OR5D13: variants seen among roughly 807,000 people sequenced by gnomAD.
OR5D13 encodes olfactory receptor 5D13.
For missense variants in OR5D13, 470 were observed against 372.1 expected (o/e 1.26, Z -2.16); for synonymous variants, 192 against 134.3 (o/e 1.43, Z -2.97).
In OR5D13 at chr11:55,773,573, G is replaced by A. The variant is rs1467290052; in HGVS notation, c.136G>A (p.Gly46Ser). 6.2e-7 allele frequency: 1 copy of A among 1,612,782 alleles called. No individual in the cohort carries two copies. Residue 46 changes from glycine (G) to serine (S), a missense_variant, in exon 1 of 1, where the codon GGC becomes AGC. Gly to Ser is a moderately conservative substitution (Grantham distance 56, BLOSUM62 0). Coordinates refer to ENST00000623930, the MANE Select transcript of OR5D13 (RefSeq NM_001001967.1). ...VYTVTVVGNL[G>S]MIIIIRLNSK... ...CACAGTCACTGTAGTGGGGAACTTGGGCATGATAATAATCATCAGACTCAA... is the reference window on the plus strand; with the variant it reads ...CACAGTCACTGTAGTGGGGAACTTGAGCATGATAATAATCATCAGACTCAA...
rs1853288636 is a variant in OR5D13, at chr11:55,774,011, T to C, written c.574T>C (p.Ser192Pro). ...CTCTGTAATTGTTTCTGCCTCCTAC[T>C]CAGACCCCTATATCAGCCAGAGGCT... ...DHSVIVSASY[S>P]DPYISQRLCF... Residue 192 changes from serine (S) to proline (P), a missense_variant, in exon 1 of 1, where the codon TCA (serine) becomes CCA (proline). Physicochemically the swap from Ser to Pro is moderately conservative, Grantham distance 74. Transcript: ENST00000623930. 6.2e-7 allele frequency: 1 copy of C among 1,613,264 alleles called. No homozygotes were observed. The highest frequency in any genetic ancestry group is 1.7e-5 in the Admixed American group (1 of 59,928).
rs1853287220 is a variant in OR5D13 at position 55,773,938 on chromosome 11, CTT to C, written c.502_503del (p.Leu168IlefsTer4). 6.2e-7 allele frequency: 1 copy of C among 1,613,448 alleles called. No individual in the cohort carries two copies. Among genetic ancestry groups the C allele is most frequent in the Non-Finnish European group, 8.5e-7 (1 of 1,179,652 alleles). On this transcript the variant is annotated frameshift_variant, in exon 1 of 1. Transcript: ENST00000623930. LOFTEE classifies it low-confidence loss of function (END_TRUNC). The stretch of plus-strand genomic sequence containing the variant: ...TGATACTCACATATTTTCTTCTTGA[CTT>C]ATCGTTTTGTGAATCTACCTTCATA... ...SLILTYFLLD[L>X]SFCESTFINN...
In OR5D13 at chr11:55,773,623, C is replaced by G; in HGVS notation, c.186C>G (p.Cys62Trp). Reference sequence around the variant, plus strand: ...ATTCAAAACTCCATACAATCATGTGCTTTTTCCTTAGTCACTTGTCCTTGA... The same window carrying G: ...ATTCAAAACTCCATACAATCATGTGGTTTTTCCTTAGTCACTTGTCCTTGA... ...RLNSKLHTIM[C>W]FFLSHLSLTD... is the part of the protein sequence containing the mutation. The change falls in exon 1 of 1, where the codon TGC becomes TGG. Residue 62 changes from cysteine (C) to tryptophan (W), a missense_variant. Coordinates refer to ENST00000623930, the MANE Select transcript of OR5D13 (RefSeq NM_001001967.1). 1.2e-6 allele frequency: 2 copies of G among 1,612,876 alleles called. No homozygotes were observed. Among genetic ancestry groups the G allele is most frequent in the Non-Finnish European group, 1.7e-6 (2 of 1,179,206 alleles).
chr11:55,774,141 G>A lies in OR5D13; in HGVS notation c.704G>A (p.Gly235Glu), dbSNP rs1853291914. 1.2e-6 allele frequency: 2 copies of A among 1,613,550 alleles called. No homozygotes were observed. Among genetic ancestry groups the A allele is most frequent in the South Asian group, 2.2e-5 (2 of 91,066 alleles). ...TTIMKMRSAS[G>E]RQKTFSTCAS... ...ATTATGAAGATGCGATCTGCAAGTG[G>A]GCGCCAGAAAACTTTCTCCACCTGT... The change falls in exon 1 of 1, where the codon GGG becomes GAG. Residue 235 changes from glycine to glutamate, a missense_variant. Physicochemically the swap from Gly to Glu is moderately conservative, Grantham distance 98. Transcript: ENST00000623930.
rs1405501577 is a variant in OR5D13, at chr11:55,773,845, T to C, written c.408T>C (p.Thr136=). The change falls in exon 1 of 1, where the codon ACT becomes ACC. Residue 136 remains threonine (T), a synonymous_variant. Coordinates refer to ENST00000623930, the MANE Select transcript of OR5D13 (RefSeq NM_001001967.1). ...TTTGTAAACCCTTGCTGTATACCAC[T>C]ATTATGTCTCAGAAGCTCTGTGCTC... ...VAVCKPLLYT[T]IMSQKLCALL... 1.1e-5 allele frequency: 17 copies of C among 1,613,938 alleles called. No homozygotes were observed. Among genetic ancestry groups the C allele is most frequent in the Non-Finnish European group, 1.4e-5 (16 of 1,179,996 alleles).
chr11:55,773,860 G>T lies in OR5D13; in HGVS notation c.423G>T (p.Lys141Asn), dbSNP rs780475869. The T allele has an allele frequency of 3.7e-6, 6 of 1,613,896 alleles. No homozygotes were observed. Among genetic ancestry groups the T allele is most frequent in the African/African-American group, 1.3e-5 (1 of 74,898 alleles). The change falls in exon 1 of 1, where the codon AAG becomes AAT. Residue 141 changes from lysine (K) to asparagine (N), a missense_variant. Transcript: ENST00000623930. The part of the protein sequence containing the change: ...PLLYTTIMSQ[K>N]LCALLVAGSY... ...TGTATACCACTATTATGTCTCAGAAGCTCTGTGCTCTTCTGGTGGCTGGGT... is the reference window on the plus strand; with the variant it reads ...TGTATACCACTATTATGTCTCAGAATCTCTGTGCTCTTCTGGTGGCTGGGT...
In OR5D13 at chr11:55,774,074, C is replaced by T. The variant is rs771883171; in HGVS notation, c.637C>T (p.Leu213=). 6.2e-7 allele frequency: 1 copy of T among 1,613,852 alleles called. No individual in the cohort carries two copies. The highest frequency in any genetic ancestry group is 1.1e-5 in the South Asian group (1 of 91,078). ...TGCCATATTCAATGAGGTGAGCAGCCTAATTATCATTCTGACATCATATAT... is the reference window on the plus strand; with the variant it reads ...TGCCATATTCAATGAGGTGAGCAGCTTAATTATCATTCTGACATCATATAT... ...IIAIFNEVSS[L]IIILTSYMLI... The change falls in exon 1 of 1, where the codon CTA becomes TTA. Residue 213 remains leucine (L), a synonymous_variant. Coordinates refer to ENST00000623930, the MANE Select transcript of OR5D13 (RefSeq NM_001001967.1).
chr11:55,773,582 A>G lies in OR5D13; in HGVS notation c.145A>G (p.Ile49Val), dbSNP rs1853280301. 1 of 1,613,242 alleles carries G rather than the reference A, an allele frequency of 6.2e-7. No individual in the cohort carries two copies. Reference sequence around the variant, plus strand: ...TGTAGTGGGGAACTTGGGCATGATAATAATCATCAGACTCAATTCAAAACT... The same window carrying G: ...TGTAGTGGGGAACTTGGGCATGATAGTAATCATCAGACTCAATTCAAAACT... ...VTVVGNLGMI[I>V]IIRLNSKLHT... is the part of the protein sequence containing the mutation. Residue 49 changes from isoleucine to valine, a missense_variant, in exon 1 of 1, where the codon ATA (isoleucine) becomes GTA (valine). By Grantham distance (29) the Ile-to-Val change is conservative. Coordinates refer to ENST00000623930, the MANE Select transcript of OR5D13 (RefSeq NM_001001967.1).
rs534663232 is a variant in OR5D13, at chr11:55,773,883, G to C, written c.446G>C (p.Gly149Ala). ...AAGCTCTGTGCTCTTCTGGTGGCTG[G>C]GTCCTATACATGGGGGATAGTGTGC... ...SQKLCALLVAGSYTWGIVCSL... is the reference protein window; with the variant it reads ...SQKLCALLVAASYTWGIVCSL... Residue 149 changes from glycine to alanine, a missense_variant, in exon 1 of 1, where the codon GGG (glycine) becomes GCG (alanine). Coordinates refer to ENST00000623930, the MANE Select transcript of OR5D13 (RefSeq NM_001001967.1). 8.2e-5 allele frequency: 132 copies of C among 1,613,622 alleles called. 1 individual carries two copies. The South Asian group carries it at 1.4e-3, about 17-fold the overall frequency.
rs781746014 is a variant in OR5D13 at position 55,774,052 on chromosome 11, C to T, written c.615C>T (p.Ala205=). 1.2e-6 allele frequency: 2 copies of T among 1,613,694 alleles called. No individual in the cohort carries two copies. Among genetic ancestry groups the T allele is most frequent in the East Asian group, 2.2e-5 (1 of 44,864 alleles). ...GCCAGAGGCTATGCTTTATTATTGC[C>T]ATATTCAATGAGGTGAGCAGCCTAA... ...YISQRLCFII[A]IFNEVSSLII... The change falls in exon 1 of 1, where the codon GCC becomes GCT. Residue 205 remains alanine, a synonymous_variant. Transcript: ENST00000623930.
chr11:55,774,003 C>T lies in OR5D13; in HGVS notation c.566C>T (p.Ala189Val). The T allele has an allele frequency of 2.5e-6, 4 of 1,613,098 alleles. No individual in the cohort carries two copies. The highest frequency in any genetic ancestry group is 3.4e-6 in the Non-Finnish European group (4 of 1,179,326). The change falls in exon 1 of 1, where the codon GCC (alanine) becomes GTC (valine). Residue 189 changes from alanine (A) to valine (V), a missense_variant. Coordinates refer to ENST00000623930, the MANE Select transcript of OR5D13 (RefSeq NM_001001967.1). ...FICDHSVIVS[A>V]SYSDPYISQR... ...TGTGACCACTCTGTAATTGTTTCTGCCTCCTACTCAGACCCCTATATCAGC... is the reference window on the plus strand; with the variant it reads ...TGTGACCACTCTGTAATTGTTTCTGTCTCCTACTCAGACCCCTATATCAGC...
Position 55,774,248 on chromosome 11 carries a change from C to T in OR5D13, c.811C>T (p.Leu271Phe), listed in dbSNP as rs1448856374. The T allele has an allele frequency of 1.7e-5, 28 of 1,613,694 alleles. No individual in the cohort carries two copies. The highest frequency in any genetic ancestry group is 2.4e-5 in the Non-Finnish European group (28 of 1,179,892). ...YCVPNPKTSS[L>F]IVTVASVFYT... Reference sequence around the variant, plus strand: ...TGTTCCTAATCCTAAAACTTCTAGCCTCATAGTTACAGTGGCTTCTGTGTT... The same window carrying T: ...TGTTCCTAATCCTAAAACTTCTAGCTTCATAGTTACAGTGGCTTCTGTGTT... Residue 271 changes from leucine (L) to phenylalanine (F), a missense_variant, in exon 1 of 1, where the codon CTC becomes TTC. Coordinates refer to ENST00000623930, the MANE Select transcript of OR5D13 (RefSeq NM_001001967.1).
chr11:55,773,663 T>C lies in OR5D13; in HGVS notation c.226T>C (p.Ser76Pro). 3 of 1,613,352 alleles carry C rather than the reference T, an allele frequency of 1.9e-6. No individual in the cohort carries two copies. The South Asian group carries it at 3.3e-5, about 18-fold the overall frequency. ...CTTGTCCTTGACAGACTTCTGTTTTTCCACTGTAGTTACACCTAAACTGTT... is the reference window on the plus strand; with the variant it reads ...CTTGTCCTTGACAGACTTCTGTTTTCCCACTGTAGTTACACCTAAACTGTT... ...SHLSLTDFCF[S>P]TVVTPKLLEN... Residue 76 changes from serine to proline, a missense_variant, in exon 1 of 1, where the codon TCC becomes CCC. By Grantham distance (74) the Ser-to-Pro change is moderately conservative (BLOSUM62 -1). Coordinates refer to ENST00000623930, the MANE Select transcript of OR5D13 (RefSeq NM_001001967.1).
In OR5D13 at chr11:55,773,667, C is replaced by T. The variant is rs1315363272; in HGVS notation, c.230C>T (p.Thr77Ile). The T allele has an allele frequency of 6.2e-7, 1 of 1,613,152 alleles. No homozygotes were observed. Among genetic ancestry groups the T allele is most frequent in the Non-Finnish European group, 8.5e-7 (1 of 1,179,390 alleles). ...HLSLTDFCFSTVVTPKLLENL... is the reference protein window; with the variant it reads ...HLSLTDFCFSIVVTPKLLENL... ...TCCTTGACAGACTTCTGTTTTTCCA[C>T]TGTAGTTACACCTAAACTGTTGGAG... Residue 77 changes from threonine to isoleucine, a missense_variant, in exon 1 of 1, where the codon ACT becomes ATT. By Grantham distance (89) the Thr-to-Ile change is moderately conservative. Transcript: ENST00000623930.
In OR5D13 at chr11:55,774,186, T is replaced by G. The variant is rs753152807; in HGVS notation, c.749T>G (p.Ile250Ser). 7 of 1,613,698 alleles carry G rather than the reference T, an allele frequency of 4.3e-6. No individual in the cohort carries two copies. Among genetic ancestry groups the G allele is most frequent in the Middle Eastern group, 1.6e-4 (1 of 6,080 alleles). ...FSTCASHLTA[I>S]TIFHGTILFL... Reference sequence around the variant, plus strand: ...ACCTGTGCCTCCCACCTGACAGCCATCACTATCTTCCATGGAACTATCCTT... The same window carrying G: ...ACCTGTGCCTCCCACCTGACAGCCAGCACTATCTTCCATGGAACTATCCTT... The change falls in exon 1 of 1, where the codon ATC becomes AGC. Residue 250 changes from isoleucine to serine, a missense_variant. Coordinates refer to ENST00000623930, the MANE Select transcript of OR5D13 (RefSeq NM_001001967.1).
At position 55,773,879 on chromosome 11, in the gene OR5D13, G is replaced by A. The variant is rs762039488; in HGVS notation, c.442G>A (p.Ala148Thr). ...MSQKLCALLVAGSYTWGIVCS... is the reference protein window; with the variant it reads ...MSQKLCALLVTGSYTWGIVCS... Reference sequence around the variant, plus strand: ...TCAGAAGCTCTGTGCTCTTCTGGTGGCTGGGTCCTATACATGGGGGATAGT... The same window carrying A: ...TCAGAAGCTCTGTGCTCTTCTGGTGACTGGGTCCTATACATGGGGGATAGT... Residue 148 changes from alanine to threonine, a missense_variant, in exon 1 of 1, where the codon GCT (alanine) becomes ACT (threonine). Coordinates refer to ENST00000623930, the MANE Select transcript of OR5D13 (RefSeq NM_001001967.1). The A allele has an allele frequency of 9.3e-6, 15 of 1,613,606 alleles. No homozygotes were observed. The African/African-American group carries it at 2.0e-4, about 22-fold the overall frequency.
rs759749073 is a variant in OR5D13, at chr11:55,774,180, C to T, written c.743C>T (p.Thr248Ile). Residue 248 changes from threonine to isoleucine, a missense_variant, in exon 1 of 1, where the codon ACA becomes ATA. Thr to Ile is a moderately conservative substitution (Grantham distance 89). Transcript: ENST00000623930. The stretch of plus-strand genomic sequence containing the variant: ...TTCTCCACCTGTGCCTCCCACCTGA[C>T]AGCCATCACTATCTTCCATGGAACT... ...KTFSTCASHL[T>I]AITIFHGTIL... The T allele has an allele frequency of 3.1e-6, 5 of 1,613,744 alleles. No homozygotes were observed. The Admixed American group carries it at 8.3e-5, about 27-fold the overall frequency.
rs1853280170 is a variant in OR5D13, at chr11:55,773,575, C to T, written c.138C>T (p.Gly46=). 6.2e-7 allele frequency: 1 copy of T among 1,612,790 alleles called. No individual in the cohort carries two copies. The highest frequency in any genetic ancestry group is 8.5e-7 in the Non-Finnish European group (1 of 1,179,114). ...VYTVTVVGNL[G]MIIIIRLNSK... ...CAGTCACTGTAGTGGGGAACTTGGG[C>T]ATGATAATAATCATCAGACTCAATT... is the stretch of plus-strand genomic sequence containing the variant. Residue 46 remains glycine, a synonymous_variant, in exon 1 of 1, where the codon GGC becomes GGT. Transcript: ENST00000623930.
Position 55,773,668 on chromosome 11 carries a change from T to C in OR5D13, c.231T>C (p.Thr77=). 1 of 1,613,314 alleles carries C rather than the reference T, an allele frequency of 6.2e-7. No individual in the cohort carries two copies. The highest frequency in any genetic ancestry group is 8.5e-7 in the Non-Finnish European group (1 of 1,179,516). The change falls in exon 1 of 1, where the codon ACT becomes ACC. Residue 77 remains threonine, a synonymous_variant. Transcript: ENST00000623930. The stretch of plus-strand genomic sequence containing the variant: ...CCTTGACAGACTTCTGTTTTTCCAC[T>C]GTAGTTACACCTAAACTGTTGGAGA... The part of the protein sequence containing the change: ...HLSLTDFCFS[T]VVTPKLLENL...
Sources: allele counts gnomAD v4.1 joint callset, GRCh38; gene constraint gnomAD v4.1.1; transcripts MANE v1.5; gene names NCBI Gene and HGNC (gene_info 2026-07-23, HGNC 2026-07-21).